The following TEAD1 variants were observed in gnomAD, a reference collection of about 807,000 sequenced individuals.
TEAD1 encodes TEA domain transcription factor 1.
In TEAD1, 9 loss-of-function variants were observed where a neutral mutation model predicts 54.9. The observed-to-expected ratio is 0.16, with a 90% CI of 0.10 to 0.29. The LOEUF (loss-of-function observed/expected upper bound fraction) is 0.29. TEAD1 is among the 10% of genes least tolerant of loss of function. TEAD1 has a pLI of 1.00. For synonymous variants in TEAD1, 200 were observed against 187.8 expected, an observed-to-expected ratio of 1.07 and a Z score of -0.53; for missense variants, 387 against 535.9, an observed-to-expected ratio of 0.72 and a Z score of 2.74.
chr11:12,796,914 A>G (rs1945941487), intron 3 of TEAD1, among the ~76,000 whole-genome samples: 1 of 152,102 alleles, frequency 6.6e-6, no homozygotes, highest in African/African-American at 2.4e-5. Flanking sequence ...GATCGAGAAC[A>G]TCCTGGCTAA....
chr11:12,696,940 C>T (rs920881882), intron 2 of TEAD1, among the ~76,000 whole-genome samples: 2 of 152,174 alleles, frequency 1.3e-5, no homozygotes, highest in East Asian at 3.9e-4. Context: ...TACCCACTTC[C>T]ACCCTGTCTC....
At chr11:12,821,961 C>CTTTTCCTTTTTTTTTTTTTT (rs1946556887) in intron 3 of TEAD1, among the ~76,000 whole-genome samples, 1 of 68,084 alleles carries the variant, frequency 1.5e-5, no homozygotes, top group Admixed American at 2.6e-4. Flanking sequence ...TTCTCTTTTC[C>CTTTTCCTTTTTTTTTTTTTT]TTTTTTTTTT....
At chr11:12,852,340 A>G (rs1040553657) in intron 3 of TEAD1, among the ~76,000 whole-genome samples, 2 of 152,200 alleles carry the variant, frequency 1.3e-5, no homozygotes, top group Admixed American at 6.5e-5. Flanking sequence ...AATGCCTGCA[A>G]GATGAGTGGC....
At chr11:12,745,682 A>G (rs1944733878) in intron 2 of TEAD1, among the ~76,000 whole-genome samples, 1 of 151,558 alleles carries the variant, frequency 6.6e-6, no homozygotes, top group African/African-American at 2.4e-5. Context: ...GTAAAATGAA[A>G]TATAAATCAA....
At chr11:12,699,113 C>T (rs1053950895) in intron 2 of TEAD1, among the ~76,000 whole-genome samples, 3 of 152,088 alleles carry the variant, frequency 2.0e-5, no homozygotes, top group Admixed American at 6.6e-5. Flanking sequence ...GTATAAGGAG[C>T]GAGGTAGGAA....
intron 2 of TEAD1, among the ~76,000 whole-genome samples, chr11:12,721,434 G>C (rs1944196494): frequency 6.6e-6 from 1 of 152,188 alleles, no homozygotes; most frequent in African/African-American, 2.4e-5. Context: ...GGAGTAAGAA[G>C]GATGATCTGC....
chr11:12,811,383 C>T (rs778426383), intron 3 of TEAD1, among the ~76,000 whole-genome samples: 4 of 152,218 alleles, frequency 2.6e-5, no homozygotes, highest in Non-Finnish European at 5.9e-5. Context: ...GCCATCTAAG[C>T]TGTTGGAACA....
intron 2 of TEAD1, among the ~76,000 whole-genome samples, chr11:12,746,283 C>G (rs895860895): frequency 6.6e-6 from 1 of 152,150 alleles, no homozygotes. Flanking sequence ...TGAAGTCCTA[C>G]CTCTTCTACA....
intron 3 of TEAD1, among the ~76,000 whole-genome samples, chr11:12,848,096 C>G (rs1381000483): frequency 1.3e-5 from 2 of 152,184 alleles, no homozygotes; most frequent in African/African-American, 4.8e-5. Flanking sequence ...CAGGCCCTTC[C>G]TGAGTACATC....
chr11:12,844,959 C>CTTTTTTTTTT (rs3046338), intron 3 of TEAD1, among the ~76,000 whole-genome samples: 3 of 64,658 alleles, frequency 4.6e-5, no homozygotes, highest in East Asian at 5.7e-4. Flanking sequence ...TGTATGAAAT[C>CTTTTTTTTTT]TTTTTTTTTT....
intron 2 of TEAD1, among the ~76,000 whole-genome samples, chr11:12,726,227 C>T (rs1944308779): frequency 6.6e-6 from 1 of 152,124 alleles, no homozygotes. Flanking sequence ...GGGAAGGTTT[C>T]CTTGAAAGAG....
intron 2 of TEAD1, among the ~76,000 whole-genome samples, chr11:12,711,760 T>C (rs1943943996): frequency 1.3e-5 from 2 of 152,156 alleles, no homozygotes; most frequent in African/African-American, 4.8e-5. Flanking sequence ...ACTGATGTAA[T>C]AAAGGCAAAG....
chr11:12,893,997 C>T (rs1367562102), intron 9 of TEAD1, among the ~76,000 whole-genome samples: 1 of 152,122 alleles, frequency 6.6e-6, no homozygotes, highest in Non-Finnish European at 1.5e-5. Context: ...GCAGGCTGCC[C>T]AGCCTGCCCT....
chr11:12,739,198 T>TTCTATCTATCTA (rs374577439), intron 2 of TEAD1, among the ~76,000 whole-genome samples: 7 of 146,858 alleles, frequency 4.8e-5, no homozygotes, highest in African/African-American at 1.1e-4. Context: ...GTCTCATTCT[T>TTCTATCTATCTA]TCTATCTATC....
intron 2 of TEAD1, among the ~76,000 whole-genome samples, chr11:12,758,342 G>C (rs1182793852): frequency 6.7e-6 from 1 of 149,486 alleles, no homozygotes; most frequent in Non-Finnish European, 1.5e-5. Context: ...CTGGGTTTGA[G>C]TAATCCTCCT....
Position 12,944,274 on chromosome 11 carries a change from C to T in TEAD1, c.*7052C>T, listed in dbSNP as rs933544929. On this transcript the variant is annotated 3_prime_UTR_variant, in exon 13 of 13. Transcript: ENST00000527636. ...CAAATTCTCACACATGTTTTCTTAA[C>T]CTATTTGCAGAAACTTTCAAAAGGC... 20 of 152,562 alleles carry T rather than the reference C, an allele frequency of 1.3e-4. No homozygotes were observed. Among genetic ancestry groups the T allele is most frequent in the African/African-American group, 4.8e-4 (20 of 41,426 alleles). 9.5% of individuals were successfully genotyped at this position (152,562 alleles called of 1,614,324 possible).
At chr11:12,806,461 G>C (rs376351168) in intron 3 of TEAD1, among the ~76,000 whole-genome samples, 2 of 152,310 alleles carry the variant, frequency 1.3e-5, no homozygotes, top group South Asian at 4.1e-4. Flanking sequence ...GTCCTTGGTC[G>C]ATGGTCTAAA....
chr11:12,755,231 TG>T (rs1286054249), intron 2 of TEAD1, among the ~76,000 whole-genome samples: 1 of 152,226 alleles, frequency 6.6e-6, no homozygotes, highest in Non-Finnish European at 1.5e-5. Flanking sequence ...CCATCAGTCA[TG>T]CAGCTGAGGG....
At chr11:12,719,949 GTTTTTTTTTTTT>G (rs1200965763) in intron 2 of TEAD1, among the ~76,000 whole-genome samples, 7 of 40,010 alleles carry the variant, frequency 1.7e-4, no homozygotes, top group East Asian at 1.0e-3. Flanking sequence ...GAAATCTAAT[GTTTTTTTTTTTT>G]TTTTTTTTTT....
Sources: gnomAD v4.1 joint callset for allele counts (sites outside exome capture counted in the v4.1 genomes callset) on GRCh38, gnomAD v4.1.1 for gene constraint, MANE v1.5 for transcripts, NCBI Gene and HGNC (gene_info 2026-07-23, HGNC 2026-07-21) for gene names.